Variants in OR56A3 observed in about 807,000 individuals in gnomAD.
The protein encoded by OR56A3 is olfactory receptor family 56 subfamily A member 3.
Under a neutral mutation model 17.5 loss-of-function variants are expected in OR56A3, and 23 were observed. The ratio of observed to expected loss-of-function variants is 1.32; its 90% CI spans 0.95 to 1.87. OR56A3 has a LOEUF of 1.87. Ranked by LOEUF, OR56A3 falls within the 40% of genes most tolerant of loss-of-function variation. The pLI, the probability that OR56A3 is intolerant of heterozygous loss-of-function variation, is 0.00. For missense variants in OR56A3, 366 were observed against 380.1 expected, an observed-to-expected ratio of 0.96 and a Z score of 0.31; for synonymous variants, 175 against 150.6, an observed-to-expected ratio of 1.16 and a Z score of -1.19.
the OR56A3 span, among the ~76,000 whole-genome samples, chr11:5,988,538 C>T: frequency 1.3e-5 from 2 of 152,222 alleles, no homozygotes; most frequent in Non-Finnish European, 1.5e-5. Context: ...TTATTGTAAA[C>T]ATTAATTAAG....
downstream of OR56A3, among the ~76,000 whole-genome samples, chr11:5,955,344 G>A (rs925728533): frequency 4.6e-5 from 7 of 152,086 alleles, no homozygotes; most frequent in Admixed American, 1.3e-4. Context: ...ACTAAATGTA[G>A]ACACCCAACA....
At chr11:5,994,644 T>C in the OR56A3 span, 2 of 777,038 alleles carry the variant, frequency 2.6e-6, no homozygotes, top group Non-Finnish European at 4.6e-6. Flanking sequence ...GACTGGCACA[T>C]GGCCAGTTCT....
the OR56A3 span, chr11:5,986,583 C>G: frequency 6.2e-7 from 1 of 1,613,974 alleles, no homozygotes; most frequent in Middle Eastern, 1.6e-4. Flanking sequence ...ACATCTGGAT[C>G]AGGCAGACGA....
the OR56A3 span, chr11:5,986,167 G>T: frequency 6.2e-7 from 1 of 1,613,760 alleles, no homozygotes; most frequent in Admixed American, 1.7e-5. Context: ...TGTGCTAAAC[G>T]CCTTAAGTCG....
chr11:5,962,895 TAAC>T, the OR56A3 span, among the ~76,000 whole-genome samples: 2 of 152,204 alleles, frequency 1.3e-5, no homozygotes, highest in African/African-American at 4.8e-5. Flanking sequence ...ATTGGTCTGT[TAAC>T]ATTTTCTATT....
At chr11:6,009,393 C>G in the OR56A3 span, among the ~76,000 whole-genome samples, 1 of 152,156 alleles carries the variant, frequency 6.6e-6, no homozygotes, top group East Asian at 1.9e-4. Flanking sequence ...AGTGCTTTTA[C>G]AAATATGTTT....
the OR56A3 span, among the ~76,000 whole-genome samples, chr11:6,011,681 C>T: frequency 3.9e-5 from 6 of 152,094 alleles, no homozygotes; most frequent in East Asian, 1.9e-4. Flanking sequence ...TGGGCCCACT[C>T]GGCTCGTTCT....
chr11:6,015,183 C>A, the OR56A3 span, among the ~76,000 whole-genome samples: 1 of 152,028 alleles, frequency 6.6e-6, no homozygotes, highest in Admixed American at 6.5e-5. Context: ...ATACCCAAGA[C>A]AATGGGGAAA....
the OR56A3 span, chr11:5,993,757 T>G: frequency 4.7e-6 from 1 of 213,958 alleles, no homozygotes; most frequent in Non-Finnish European, 9.5e-6. Context: ...ATTTAATATG[T>G]TATTTTACTC....
chr11:5,999,009 A>G, the OR56A3 span, among the ~76,000 whole-genome samples: 181 of 152,326 alleles, frequency 1.2e-3, 3 homozygotes, highest in Middle Eastern at 0.014. Flanking sequence ...ACATATCTTC[A>G]ATGGCTGTCC....
chr11:5,947,906 C>T lies in OR56A3; in HGVS notation c.560C>T (p.Ser187Phe). The change falls in exon 3 of 3, where the codon TCT becomes TTT. Residue 187 changes from serine to phenylalanine, a missense_variant. Transcript: ENST00000641160. ...VIENCICANM[S>F]VSRLSCDDVT... ...GAGAACTGCATCTGTGCCAATATGT[C>T]TGTTTCCAGACTCTCCTGCGATGAT... is the stretch of plus-strand genomic sequence containing the variant. 8.1e-6 allele frequency: 13 copies of T among 1,614,208 alleles called. No homozygotes were observed. The highest frequency in any genetic ancestry group is 1.1e-5 in the Non-Finnish European group (13 of 1,180,020).
chr11:6,011,204 T>TATACATATATATATATATA, the OR56A3 span, among the ~76,000 whole-genome samples: 526 of 122,502 alleles, frequency 4.3e-3, 7 homozygotes, highest in South Asian at 0.015. Flanking sequence ...GAGATTTATT[T>TATACATATATATATATATA]TATATATATA....
chr11:6,002,801 G>T, the OR56A3 span: 1 of 1,613,808 alleles, frequency 6.2e-7, no homozygotes, highest in Non-Finnish European at 8.5e-7. Context: ...GGCTGAGCAG[G>T]TAGTACAGGG....
chr11:5,995,707 C>T, the OR56A3 span, among the ~76,000 whole-genome samples: 1 of 152,298 alleles, frequency 6.6e-6, no homozygotes. Context: ...AGCATATACA[C>T]TACCTCACAT....
the OR56A3 span, among the ~76,000 whole-genome samples, chr11:5,970,687 G>C: frequency 2.0e-5 from 3 of 148,850 alleles, no homozygotes; most frequent in Non-Finnish European, 1.5e-5. Flanking sequence ...GTGATAAAAA[G>C]GAAAAAAAAA....
the OR56A3 span, chr11:6,006,307 A>G: frequency 6.6e-6 from 1 of 152,190 alleles, no homozygotes; most frequent in Non-Finnish European, 1.5e-5. Context: ...CCTTAGTGAA[A>G]TTGAGGCCTC....
the OR56A3 span, among the ~76,000 whole-genome samples, chr11:5,984,275 C>A: frequency 7.0e-4 from 107 of 152,308 alleles, no homozygotes; most frequent in Middle Eastern, 0.01. Context: ...GAATACATAT[C>A]CCACTTGGAA....
chr11:5,982,824 A>AG, the OR56A3 span, among the ~76,000 whole-genome samples: 1 of 152,132 alleles, frequency 6.6e-6, no homozygotes, highest in Non-Finnish European at 1.5e-5. Flanking sequence ...CCAGAGGTAC[A>AG]TGGAGAGTGG....
At chr11:5,996,303 A>C in the OR56A3 span, among the ~76,000 whole-genome samples, 6 of 152,302 alleles carry the variant, frequency 3.9e-5, no homozygotes, top group East Asian at 9.6e-4. Flanking sequence ...AATCCTTCAG[A>C]GATTTCTTAG....
Sources: gnomAD v4.1 joint callset for allele counts (sites outside exome capture counted in the v4.1 genomes callset) on GRCh38, gnomAD v4.1.1 for gene constraint, MANE v1.5 for transcripts, NCBI Gene and HGNC (gene_info 2026-07-23, HGNC 2026-07-21) for gene names.